The following CCDC7 variants were observed in gnomAD, a reference collection of about 807,000 sequenced individuals.
CCDC7 encodes the protein coiled-coil domain containing 7, also known as coiled-coil domain-containing protein 7.
Under a neutral mutation model 196.9 loss-of-function variants are expected in CCDC7, and 183 were observed. The observed-to-expected ratio is 0.93, with a 90% CI of 0.82 to 1.05. CCDC7 has a LOEUF of 1.05. CCDC7 is among the 50% of genes least tolerant of loss of function. CCDC7 has a pLI of 0.00. For missense variants in CCDC7, 1,540 were observed against 1,482.2 expected (o/e 1.04, Z -0.64); for synonymous variants, 525 against 484.6 (o/e 1.08, Z -1.10).
chr10:32,848,052 G>T, intron 38 of CCDC7, 136 bp downstream of exon 39: 1 of 513,934 alleles, frequency 1.9e-6, no homozygotes, highest in Non-Finnish European at 3.3e-6. Context: ...CATATAATTA[G>T]TTAAACTCTC....
chr10:32,830,088 T>C (rs1023964444), intron 32 of CCDC7, among the ~76,000 whole-genome samples: 2 of 85,344 alleles, frequency 2.3e-5, no homozygotes, highest in Non-Finnish European at 5.4e-5. Flanking sequence ...ACTTAATAAA[T>C]ATATATATCC....
chr10:32,836,447 G>A (rs1270314375), intron 33 of CCDC7, among the ~76,000 whole-genome samples: 1 of 152,084 alleles, frequency 6.6e-6, no homozygotes, highest in Non-Finnish European at 1.5e-5. Context: ...AGATCCTTGA[G>A]GAATCACCAC....
intron 11 of CCDC7, among the ~76,000 whole-genome samples, chr10:32,523,584 C>T (rs2048206111): frequency 6.6e-6 from 1 of 151,690 alleles, no homozygotes. Flanking sequence ...TTTAAGTCTC[C>T]AGCTATTATT....
chr10:32,737,929 C>T (rs1272088558), intron 28 of CCDC7, among the ~76,000 whole-genome samples: 1 of 152,116 alleles, frequency 6.6e-6, no homozygotes, highest in Non-Finnish European at 1.5e-5. Flanking sequence ...AAGCCAATTT[C>T]TGGTAGACAC....
At chr10:32,879,177 T>A (rs1457175308), downstream of CCDC7, among the ~76,000 whole-genome samples, 3 of 151,766 alleles carry the variant, frequency 2.0e-5, no homozygotes, top group African/African-American at 4.8e-5. Context: ...TATCCTTTTT[T>A]AAAAAAATTT....
intron 31 of CCDC7, among the ~76,000 whole-genome samples, chr10:32,818,396 T>C (rs2089320653): frequency 6.6e-6 from 1 of 152,076 alleles, no homozygotes; most frequent in Non-Finnish European, 1.5e-5. Flanking sequence ...ATGGGAGACT[T>C]TAACACCCCA....
chr10:32,479,767 G>A (rs1009785572), intron 8 of CCDC7, among the ~76,000 whole-genome samples: 2 of 151,848 alleles, frequency 1.3e-5, no homozygotes, highest in African/African-American at 2.4e-5. Context: ...CGAAGAATTC[G>A]AGAAGGATTC....
rs190502853 is a variant in CCDC7 at position 32,587,315 on chromosome 10, A to G, written c.1801+3011A>G. ...TACAGTTCTGAAGGCTGGGGAGTCC[A>G]AGGTCAAGGGACCTGCCTCTGGCTA... is the stretch of plus-strand genomic sequence containing the variant. On this transcript the variant is annotated intron_variant, in intron 18 of 41. Transcript: ENST00000639629. Among the ~76,000 whole-genome samples the G allele has an allele frequency of 1.5e-3, 231 of 152,340 alleles. 1 individual carries two copies. Among genetic ancestry groups the G allele is most frequent in the Non-Finnish European group, 4.4e-4 (30 of 68,030 alleles).
At chr10:32,687,648 G>A (rs1284583080) in intron 22 of CCDC7, among the ~76,000 whole-genome samples, 2 of 152,194 alleles carry the variant, frequency 1.3e-5, no homozygotes, top group Admixed American at 6.5e-5. Context: ...TGTGAGTTAT[G>A]TAATTCTACA....
intron 18 of CCDC7, among the ~76,000 whole-genome samples, chr10:32,633,065 G>A (rs1016498135): frequency 1.3e-5 from 2 of 152,074 alleles, no homozygotes; most frequent in African/African-American, 4.8e-5. Context: ...TATGATTGTT[G>A]TAGTATCTAT....
At chr10:32,854,284 GA>G (rs1188533071) in intron 40 of CCDC7, 115 bp from the exon 42 acceptor site, 6 of 641,688 alleles carry the variant, frequency 9.4e-6, no homozygotes, top group East Asian at 2.9e-5. Context: ...CTAAATTACT[GA>G]AAAAAAGTTG....
intron 9 of CCDC7, among the ~76,000 whole-genome samples, chr10:32,493,078 T>C (rs757067943): frequency 1.8e-4 from 27 of 151,988 alleles, no homozygotes; most frequent in Non-Finnish European, 3.2e-4. Flanking sequence ...ATCTTTTTTT[T>C]TCTGGTGAAA....
chr10:32,548,657 C>A (rs371767633), intron 13 of CCDC7, among the ~76,000 whole-genome samples: 1 of 152,114 alleles, frequency 6.6e-6, no homozygotes, highest in Admixed American at 6.5e-5. Context: ...GTGAGAACAT[C>A]CGATGTTTGG....
chr10:32,688,239 C>G (rs2076687058), intron 22 of CCDC7, among the ~76,000 whole-genome samples: 1 of 152,122 alleles, frequency 6.6e-6, no homozygotes, highest in African/African-American at 2.4e-5. Flanking sequence ...ATAAACTCCT[C>G]AGGTCACTGG....
At chr10:32,734,883 G>A (rs1289817365) in intron 28 of CCDC7, among the ~76,000 whole-genome samples, 1 of 151,964 alleles carries the variant, frequency 6.6e-6, no homozygotes, top group Non-Finnish European at 1.5e-5. Context: ...GGGTGACAGA[G>A]TGAGGCTTCA....
downstream of CCDC7, among the ~76,000 whole-genome samples, chr10:32,881,098 T>C (rs768310216): frequency 3.2e-4 from 49 of 152,234 alleles, no homozygotes; most frequent in Admixed American, 4.6e-4. Context: ...GTGATTACTT[T>C]TGGGGAGGGT....
chr10:32,779,818 G>A lies in CCDC7; in HGVS notation c.3013+734G>A, dbSNP rs557558303. The stretch of plus-strand genomic sequence containing the variant: ...TAGAAACCAAGAGAATACCTAATTA[G>A]GAAAAGTCTCTCTTCAAATGGTAAG... On this transcript the variant is annotated intron_variant, in intron 29 of 41. Transcript: ENST00000639629. Among the ~76,000 whole-genome samples, 28 of 152,258 alleles carry A rather than the reference G, an allele frequency of 1.8e-4. No individual in the cohort carries two copies. In the East Asian group the frequency reaches 2.5e-3, roughly 14 times the overall value.
chr10:32,739,334 T>C (rs182112778), intron 28 of CCDC7, among the ~76,000 whole-genome samples: 1 of 152,264 alleles, frequency 6.6e-6, no homozygotes, highest in East Asian at 1.9e-4. Context: ...TTATTTTTTC[T>C]CTTTTCAATT....
chr10:32,855,059 T>A lies in CCDC7; in HGVS notation c.4111+570T>A, dbSNP rs149341711. On this transcript the variant is annotated intron_variant, in intron 41 of 41. Transcript: ENST00000639629. ...CATGAAATGCCTATTTCCAAGCACC[T>A]AAGCCAGAACTAGACTTTTCATGCA... 8.7e-4 allele frequency among the ~76,000 whole-genome samples: 133 copies of A among 152,338 alleles called. 1 individual carries two copies. In the East Asian group the frequency reaches 0.021, roughly 24 times the overall value.
Sources: gnomAD v4.1 joint callset for allele counts (sites outside exome capture counted in the v4.1 genomes callset) on GRCh38, gnomAD v4.1.1 for gene constraint, MANE v1.5 for transcripts, NCBI Gene and HGNC (gene_info 2026-07-23, HGNC 2026-07-21) for gene names.